TTLL7: variants seen among roughly 807,000 people sequenced by gnomAD.
TTLL7 encodes the protein tubulin polyglutamylase TTLL7.
A neutral mutation model predicts 120.2 loss-of-function variants in TTLL7; 53 were observed. The ratio of observed to expected loss-of-function variants is 0.44; its 90% CI spans 0.35 to 0.55. The LOEUF (loss-of-function observed/expected upper bound fraction) is 0.55. Ranked by LOEUF, TTLL7 falls within the 20% of genes least tolerant of loss-of-function variation. The pLI is 0.00. For missense variants in TTLL7, 803 were observed against 1,054.7 expected, an observed-to-expected ratio of 0.76 and a Z score of 3.31; for synonymous variants, 353 against 351.7, an observed-to-expected ratio of 1.00 and a Z score of -0.04.
At chr1:83,936,858 G>A (rs1032691848) in intron 8 of TTLL7, among the ~76,000 whole-genome samples, 1 of 152,158 alleles carries the variant, frequency 6.6e-6, no homozygotes, top group Non-Finnish European at 1.5e-5. Context: ...CTGCTGAGTG[G>A]TGGCTACCTC....
At chr1:83,925,378 A>G (rs936137757) in intron 10 of TTLL7, among the ~76,000 whole-genome samples, 8 of 152,228 alleles carry the variant, frequency 5.3e-5, no homozygotes, top group African/African-American at 1.9e-4. Flanking sequence ...CCTAGGAATC[A>G]TAGGAGGCAC....
intron 1 of TTLL7, among the ~76,000 whole-genome samples, chr1:83,997,372 G>A (rs1297612961): frequency 6.6e-6 from 1 of 152,184 alleles, no homozygotes; most frequent in Admixed American, 6.5e-5. Flanking sequence ...CCATCAACGG[G>A]CGAAGAAAGA....
chr1:83,880,628 G>A (rs1314936615), intron 20 of TTLL7, among the ~76,000 whole-genome samples: 1 of 151,852 alleles, frequency 6.6e-6, no homozygotes, highest in African/African-American at 2.4e-5. Flanking sequence ...CAAAGTCATG[G>A]CTTAATTTCT....
chr1:83,929,302 G>T, intron 9 of TTLL7, 72 bp from the exon 10 acceptor site: 2 of 1,168,916 alleles, frequency 1.7e-6, no homozygotes, highest in Admixed American at 2.0e-5. Context: ...TCCAATGTGG[G>T]ATCTCTAGCC....
At chr1:83,966,868 T>A (rs1650506196) in intron 1 of TTLL7, among the ~76,000 whole-genome samples, 1 of 152,012 alleles carries the variant, frequency 6.6e-6, no homozygotes, top group African/African-American at 2.4e-5. Flanking sequence ...CAGAAAATAG[T>A]GAAACACCCT....
chr1:83,892,928 G>GAGAAAGAAAGAAAGAAAGAAAAGAAAGAA (rs1553129439), intron 18 of TTLL7, among the ~76,000 whole-genome samples: 4 of 102,666 alleles, frequency 3.9e-5, no homozygotes, highest in African/African-American at 1.7e-4. Context: ...GAAAGAAAAA[G>GAGAAAGAAAGAAAGAAAGAAAAGAAAGAA]AGAAAGAAAG....
chr1:83,898,142 C>T (rs1656409286), intron 18 of TTLL7, among the ~76,000 whole-genome samples: 1 of 151,966 alleles, frequency 6.6e-6, no homozygotes, highest in African/African-American at 2.4e-5. Flanking sequence ...AAGACAATAG[C>T]ACAAGTTTCT....
Position 83,944,733 on chromosome 1 carries a change from C to G in TTLL7, c.507-2054G>C, listed in dbSNP as rs79568143. Among the ~76,000 whole-genome samples, 768 of 152,160 alleles carry G rather than the reference C, an allele frequency of 5.0e-3. 9 individuals are homozygous for G. Among genetic ancestry groups the G allele is most frequent in the African/African-American group, 0.018 (741 of 41,520 alleles). ...TCCGTCTTAAAAAACAAAAAAGTCT[C>G]TCTTACTGTAGTTTCAGTTTTTAAC... is the stretch of plus-strand genomic sequence containing the variant. On this transcript the variant is annotated intron_variant, in intron 6 of 20. Coordinates refer to ENST00000260505, the MANE Select transcript of TTLL7 (RefSeq NM_024686.6).
At chr1:83,938,471 C>T (rs2147392) in intron 7 of TTLL7, among the ~76,000 whole-genome samples, 6 of 151,880 alleles carry the variant, frequency 4.0e-5, no homozygotes, top group African/African-American at 9.7e-5. Flanking sequence ...TGAAAACTCA[C>T]GTAAGTAACA....
chr1:83,873,579 A>G (rs1653640051), intron 20 of TTLL7, among the ~76,000 whole-genome samples: 1 of 152,128 alleles, frequency 6.6e-6, no homozygotes, highest in African/African-American at 2.4e-5. Flanking sequence ...AAGGAGAAAT[A>G]CCTCAGACTA....
At chr1:83,972,631 A>T (rs1208147253) in intron 1 of TTLL7, among the ~76,000 whole-genome samples, 1 of 152,112 alleles carries the variant, frequency 6.6e-6, no homozygotes, top group East Asian at 1.9e-4. Flanking sequence ...TAGCTGGATC[A>T]CATGGTATGA....
intron 1 of TTLL7, among the ~76,000 whole-genome samples, chr1:83,975,356 T>C (rs965823002): frequency 6.6e-6 from 1 of 152,124 alleles, no homozygotes; most frequent in African/African-American, 2.4e-5. Flanking sequence ...CGAGACCCAC[T>C]GTTTAAACAG....
chr1:83,984,522 C>G (rs914042407), intron 1 of TTLL7, among the ~76,000 whole-genome samples: 1 of 152,170 alleles, frequency 6.6e-6, no homozygotes, highest in Non-Finnish European at 1.5e-5. Flanking sequence ...ATGAAATCAA[C>G]CGAGGTGCCC....
At chr1:83,892,967 GAA>G (rs869084442) in intron 18 of TTLL7, among the ~76,000 whole-genome samples, 6 of 145,842 alleles carry the variant, frequency 4.1e-5, no homozygotes, top group Non-Finnish European at 7.5e-5. Flanking sequence ...ATAAAAGAAA[GAA>G]AGAGAAAAAA....
chr1:83,919,607 T>C (rs1277069792), intron 13 of TTLL7, 92 bp downstream of exon 13: 2 of 1,164,436 alleles, frequency 1.7e-6, no homozygotes, highest in African/African-American at 3.1e-5. Context: ...AAAAGTAAAA[T>C]GTTTTTATAT....
intron 1 of TTLL7, among the ~76,000 whole-genome samples, chr1:83,997,509 CAT>C (rs1366469081): frequency 1.3e-5 from 2 of 152,218 alleles, no homozygotes; most frequent in African/African-American, 4.8e-5. Context: ...CTACAACACT[CAT>C]ATTTCTAAAC....
intron 17 of TTLL7, among the ~76,000 whole-genome samples, chr1:83,904,828 A>G (rs1010260182): frequency 3.9e-5 from 6 of 152,086 alleles, no homozygotes; most frequent in Admixed American, 3.9e-4. Flanking sequence ...ATTTTTGTGC[A>G]AGTCTGCAAA....
intron 1 of TTLL7, among the ~76,000 whole-genome samples, chr1:83,954,864 CAAA>C (rs200599718): frequency 1.1e-5 from 1 of 94,540 alleles, no homozygotes. Flanking sequence ...CTATCTAGTT[CAAA>C]AAAAAAAAAA....
chr1:83,993,094 C>G (rs529899372), intron 1 of TTLL7, among the ~76,000 whole-genome samples: 1 of 152,124 alleles, frequency 6.6e-6, no homozygotes, highest in East Asian at 1.9e-4. Context: ...CTTTTTCTAC[C>G]AACACTTTAC....
Sources: allele counts gnomAD v4.1 joint callset (sites outside exome capture counted in the v4.1 genomes callset), GRCh38; gene constraint gnomAD v4.1.1; transcripts MANE v1.5; gene names NCBI Gene and HGNC (gene_info 2026-07-23, HGNC 2026-07-21).